Variants in GRXCR1 observed in about 807,000 individuals in gnomAD.
The protein encoded by GRXCR1 is glutaredoxin and cysteine rich domain containing 1.
Under a neutral mutation model 27.3 loss-of-function variants are expected in GRXCR1, and 27 were observed. The ratio of observed to expected loss-of-function variants is 0.99; its 90% CI spans 0.73 to 1.37. GRXCR1 has a LOEUF of 1.37. GRXCR1 is among the 40% of genes most tolerant of loss of function. GRXCR1 has a pLI of 0.00. For synonymous variants in GRXCR1, 122 were observed against 131.1 expected (o/e 0.93, Z 0.47); for missense variants, 379 against 354.4 (o/e 1.07, Z -0.56).
At chr4:42,927,828 T>C (rs1161640521) in intron 1 of GRXCR1, among the ~76,000 whole-genome samples, 20 of 151,926 alleles carry the variant, frequency 1.3e-4, no homozygotes. Context: ...ATGTTTTAGG[T>C]TGAGTTCCCT....
intron 2 of GRXCR1, among the ~76,000 whole-genome samples, chr4:42,988,574 GTTA>G (rs1435418285): frequency 6.6e-6 from 1 of 152,140 alleles, no homozygotes; most frequent in Non-Finnish European, 1.5e-5. Flanking sequence ...TAAATGTTCA[GTTA>G]TAAGTATATT....
chr4:42,933,458 A>G (rs1344872260), intron 1 of GRXCR1, among the ~76,000 whole-genome samples: 1 of 151,912 alleles, frequency 6.6e-6, no homozygotes, highest in Non-Finnish European at 1.5e-5. Flanking sequence ...CATGTTCAAC[A>G]ATGGGATGAC....
chr4:43,022,645 A>C (rs1713131829), intron 3 of GRXCR1, among the ~76,000 whole-genome samples: 1 of 152,158 alleles, frequency 6.6e-6, no homozygotes. Flanking sequence ...AATCAAGAAA[A>C]CCCAGAACTC....
rs531591136 is a variant in GRXCR1, at chr4:42,903,784, C to G, written c.384+10134C>G. Among the ~76,000 whole-genome samples the G allele has an allele frequency of 1.1e-4, 14 of 127,892 alleles. 3 individuals carry two copies. The East Asian group carries it at 5.6e-3, about 51-fold the overall frequency. The allele number at this position is 127,892 out of a possible 152,430, so 83.9% of individuals were successfully genotyped here. ...TTTCAGGGAATATTTTTTATATTTC[C>G]ATGAAGAATTTCTGGAGATGAAATT... On this transcript the variant is annotated intron_variant, in intron 1 of 3. Transcript: ENST00000399770.
intron 1 of GRXCR1, among the ~76,000 whole-genome samples, chr4:42,956,970 T>C (rs538293166): frequency 9.2e-5 from 14 of 152,180 alleles, no homozygotes; most frequent in African/African-American, 3.4e-4. Context: ...AAATACAACA[T>C]GGTATCAACC....
At chr4:42,970,327 A>G (rs905209406) in intron 2 of GRXCR1, among the ~76,000 whole-genome samples, 7 of 152,028 alleles carry the variant, frequency 4.6e-5, no homozygotes, top group Admixed American at 1.3e-4. Context: ...CAGTGGAGCT[A>G]TGAGGGGGCT....
chr4:43,023,944 C>T (rs1208552872), intron 3 of GRXCR1, among the ~76,000 whole-genome samples: 4 of 151,912 alleles, frequency 2.6e-5, no homozygotes, highest in Non-Finnish European at 4.4e-5. Flanking sequence ...TGAGAAGCAA[C>T]GAAGTGTCTA....
At chr4:43,009,853 T>C (rs1712682793) in intron 2 of GRXCR1, among the ~76,000 whole-genome samples, 1 of 152,220 alleles carries the variant, frequency 6.6e-6, no homozygotes, top group African/African-American at 2.4e-5. Flanking sequence ...CATTTCTCTA[T>C]ATATATTTTC....
chr4:42,987,847 A>C (rs1436731999), intron 2 of GRXCR1, among the ~76,000 whole-genome samples: 1 of 152,164 alleles, frequency 6.6e-6, no homozygotes, highest in African/African-American at 2.4e-5. Context: ...CTAGGGAAGA[A>C]GTTTTTACTA....
At chr4:42,995,366 C>T (rs1208215526) in intron 2 of GRXCR1, among the ~76,000 whole-genome samples, 1 of 152,076 alleles carries the variant, frequency 6.6e-6, no homozygotes, top group Non-Finnish European at 1.5e-5. Flanking sequence ...GAGTTTTAAA[C>T]CTGTTTATTT....
intron 2 of GRXCR1, 140 bp downstream of exon 2, chr4:42,963,274 ACTTATTT>A: frequency 1.1e-6 from 1 of 928,048 alleles, no homozygotes; most frequent in Non-Finnish European, 1.8e-6. Context: ...GGATTGGAGC[ACTTATTT>A]CTGTCCCAGA....
At chr4:42,893,942 A>T (rs939466342) in intron 1 of GRXCR1, among the ~76,000 whole-genome samples, 1 of 152,190 alleles carries the variant, frequency 6.6e-6, no homozygotes, top group Admixed American at 6.5e-5. Flanking sequence ...AAGGAAAAAG[A>T]TAAAACTATG....
At chr4:42,955,415 G>A (rs1489205028) in intron 1 of GRXCR1, among the ~76,000 whole-genome samples, 1 of 152,076 alleles carries the variant, frequency 6.6e-6, no homozygotes, top group Non-Finnish European at 1.5e-5. Flanking sequence ...TTGTAGTTTA[G>A]TAACAACTTT....
At chr4:42,960,622 G>T (rs1002654747) in intron 1 of GRXCR1, among the ~76,000 whole-genome samples, 15 of 151,518 alleles carry the variant, frequency 9.9e-5, no homozygotes, top group African/African-American at 2.9e-4. Context: ...ATAGTAGTGT[G>T]TCACAAGTCC....
At chr4:42,908,322 T>G (rs1018937059) in intron 1 of GRXCR1, among the ~76,000 whole-genome samples, 1 of 152,190 alleles carries the variant, frequency 6.6e-6, no homozygotes, top group Non-Finnish European at 1.5e-5. Flanking sequence ...GGGTAGATGC[T>G]GAGTTTCTAC....
At chr4:43,009,451 G>A (rs950582272) in intron 2 of GRXCR1, among the ~76,000 whole-genome samples, 2 of 152,016 alleles carry the variant, frequency 1.3e-5, no homozygotes, top group Admixed American at 1.3e-4. Context: ...AAATCTGTAT[G>A]TATACATATA....
intron 1 of GRXCR1, among the ~76,000 whole-genome samples, chr4:42,955,026 T>C (rs1747966627): frequency 6.6e-6 from 1 of 152,054 alleles, no homozygotes. Context: ...GAGAGAGCGA[T>C]ATATGTAAAA....
intron 1 of GRXCR1, among the ~76,000 whole-genome samples, chr4:42,916,068 C>T (rs1196307410): frequency 2.1e-5 from 3 of 142,378 alleles, no homozygotes; most frequent in Non-Finnish European, 3.0e-5. Context: ...TTTGAAGATT[C>T]AAGAGGGTTT....
At chr4:43,002,483 G>C (rs1168780549) in intron 2 of GRXCR1, among the ~76,000 whole-genome samples, 1 of 152,156 alleles carries the variant, frequency 6.6e-6, no homozygotes, top group Non-Finnish European at 1.5e-5. Context: ...ACATGTTTTT[G>C]TGAACTCCTG....
Sources: allele counts gnomAD v4.1 joint callset (sites outside exome capture counted in the v4.1 genomes callset), GRCh38; gene constraint gnomAD v4.1.1; transcripts MANE v1.5; gene names NCBI Gene and HGNC (gene_info 2026-07-23, HGNC 2026-07-21).